The following LRMDA variants were observed in gnomAD, a reference collection of about 807,000 sequenced individuals.
LRMDA encodes the protein leucine rich melanocyte differentiation associated.
LRMDA carries 18 observed loss-of-function variants against 29.8 expected under a neutral mutation model. That is an observed-to-expected ratio of 0.60 (90% CI 0.42 to 0.90). The LOEUF (loss-of-function observed/expected upper bound fraction) is 0.90, where lower values mean the gene tolerates loss of function less well. Ranked by LOEUF, LRMDA falls within the 40% of genes least tolerant of loss-of-function variation. The pLI is 0.00. For missense variants in LRMDA, 273 were observed against 273.9 expected (o/e 1.00, Z 0.02); for synonymous variants, 125 against 109.4 (o/e 1.14, Z -0.89).
rs1374452553 is a variant in LRMDA at position 76,132,970 on chromosome 10, T to C, written c.516+74187T>C. The stretch of plus-strand genomic sequence containing the variant: ...GGCATCCACCACCACGCCCGGCTTT[T>C]TTTTTTTTTTTTTTTTTTTTTTTTG... On this transcript the variant is annotated intron_variant, in intron 5 of 6. Coordinates refer to ENST00000611255, the MANE Select transcript of LRMDA (RefSeq NM_001305581.2). Among the ~76,000 whole-genome samples the C allele has an allele frequency of 6.6e-3, 845 of 127,518 alleles. 28 individuals carry two copies. Among genetic ancestry groups the C allele is most frequent in the African/African-American group, 0.027 (806 of 30,410 alleles). The allele number at this position is 127,518 out of a possible 152,430, so 83.7% of individuals were successfully genotyped here.
chr10:75,904,118 G>A (rs750872247), intron 2 of LRMDA, among the ~76,000 whole-genome samples: 71 of 152,180 alleles, frequency 4.7e-4, no homozygotes, highest in Non-Finnish European at 4.6e-4. Flanking sequence ...TTGGCTGGGA[G>A]AATTTTCTAA....
At chr10:75,954,027 G>A (rs547285783) in intron 2 of LRMDA, among the ~76,000 whole-genome samples, 53 of 152,316 alleles carry the variant, frequency 3.5e-4, no homozygotes, top group African/African-American at 1.1e-3. Context: ...TCTTGCTGGC[G>A]TGACAATGGA....
chr10:76,012,096 A>C (rs2132480986), intron 2 of LRMDA, among the ~76,000 whole-genome samples: 1 of 152,260 alleles, frequency 6.6e-6, no homozygotes, highest in Non-Finnish European at 1.5e-5. Flanking sequence ...AATGGCTTGG[A>C]GAGGAGCAGC....
chr10:76,505,148 C>A (rs554052785), intron 6 of LRMDA, among the ~76,000 whole-genome samples: 2 of 150,948 alleles, frequency 1.3e-5, no homozygotes, highest in East Asian at 2.0e-4. Context: ...TGTCTTCTGC[C>A]TTGTAAGAAT....
At chr10:75,839,944 G>A (rs1016776689) in intron 2 of LRMDA, among the ~76,000 whole-genome samples, 14 of 152,088 alleles carry the variant, frequency 9.2e-5, no homozygotes, top group African/African-American at 1.4e-4. Context: ...TCCTGACCTC[G>A]TGATCCACCT....
intron 2 of LRMDA, among the ~76,000 whole-genome samples, chr10:75,922,156 C>T (rs1451621668): frequency 4.6e-5 from 7 of 152,198 alleles, no homozygotes; most frequent in African/African-American, 1.2e-4. Context: ...CTGTTTCATT[C>T]CTTCCATGCT....
chr10:75,625,981 A>G (rs1345790461), intron 2 of LRMDA, among the ~76,000 whole-genome samples: 5 of 151,748 alleles, frequency 3.3e-5, no homozygotes, highest in Non-Finnish European at 5.9e-5. Context: ...CCCCTTGAGT[A>G]GCTGGAACTA....
chr10:75,762,661 C>T (rs975011902), intron 2 of LRMDA, among the ~76,000 whole-genome samples: 6 of 152,150 alleles, frequency 3.9e-5, no homozygotes, highest in African/African-American at 1.2e-4. Context: ...GTTTCCTTAT[C>T]TGTAAAATGG....
chr10:76,113,714 T>C (rs1589332847), intron 5 of LRMDA, among the ~76,000 whole-genome samples: 1 of 152,150 alleles, frequency 6.6e-6, no homozygotes, highest in Non-Finnish European at 1.5e-5. Flanking sequence ...CCAGCCTCCA[T>C]TTGATGCCGC....
chr10:75,915,455 T>G (rs1378366437), intron 2 of LRMDA, among the ~76,000 whole-genome samples: 1 of 151,846 alleles, frequency 6.6e-6, no homozygotes, highest in Non-Finnish European at 1.5e-5. Flanking sequence ...ATTTATTTAT[T>G]AATTAAATTA....
chr10:75,495,309 T>C (rs772467004), intron 2 of LRMDA, among the ~76,000 whole-genome samples: 7 of 152,090 alleles, frequency 4.6e-5, no homozygotes, highest in Non-Finnish European at 8.8e-5. Flanking sequence ...TAGTTCTATA[T>C]ATTTCTCAGA....
chr10:75,666,525 C>G (rs1043983257), intron 2 of LRMDA, among the ~76,000 whole-genome samples: 2 of 151,922 alleles, frequency 1.3e-5, no homozygotes, highest in Non-Finnish European at 2.9e-5. Flanking sequence ...ATACATTACT[C>G]CTTGTACTAT....
At chr10:76,543,725 G>A (rs1843386012) in intron 6 of LRMDA, among the ~76,000 whole-genome samples, 1 of 152,094 alleles carries the variant, frequency 6.6e-6, no homozygotes, top group Non-Finnish European at 1.5e-5. Flanking sequence ...TAGGGAGAAC[G>A]GATTGCTACT....
chr10:76,055,312 T>G (rs1564640630), intron 4 of LRMDA, among the ~76,000 whole-genome samples: 1 of 151,978 alleles, frequency 6.6e-6, no homozygotes, highest in African/African-American at 2.4e-5. Context: ...AGAAAAGAAT[T>G]TCATAATATT....
chr10:75,755,429 A>G (rs1301439825), intron 2 of LRMDA, among the ~76,000 whole-genome samples: 2 of 152,232 alleles, frequency 1.3e-5, no homozygotes, highest in African/African-American at 4.8e-5. Context: ...GTTGGGGGCA[A>G]GTTTTTGAAC....
intron 2 of LRMDA, among the ~76,000 whole-genome samples, chr10:75,901,131 G>A (rs1845664194): frequency 6.6e-6 from 1 of 152,162 alleles, no homozygotes; most frequent in Non-Finnish European, 1.5e-5. Context: ...AGGAAGAAGA[G>A]GAAGAGAGAT....
At chr10:76,502,736 CCTTTTTTTTCTTT>C (rs1202971250) in intron 6 of LRMDA, among the ~76,000 whole-genome samples, 14 of 150,804 alleles carry the variant, frequency 9.3e-5, no homozygotes, top group African/African-American at 3.4e-4. Flanking sequence ...TACAATTTTT[CCTTTTTTTTCTTT>C]CTTTTTTTTT....
intron 2 of LRMDA, among the ~76,000 whole-genome samples, chr10:75,564,023 C>T (rs1462782264): frequency 6.6e-6 from 1 of 152,218 alleles, no homozygotes; most frequent in Non-Finnish European, 1.5e-5. Context: ...GTTCTCAGAT[C>T]TCCAGCTGCG....
At chr10:76,498,320 A>G (rs1842890538) in intron 6 of LRMDA, among the ~76,000 whole-genome samples, 1 of 75,418 alleles carries the variant, frequency 1.3e-5, no homozygotes, top group African/African-American at 3.2e-5. Flanking sequence ...GGTTCCTTAG[A>G]TTAATGGCAG....
Sources: allele counts gnomAD v4.1 joint callset (sites outside exome capture counted in the v4.1 genomes callset), GRCh38; gene constraint gnomAD v4.1.1; transcripts MANE v1.5; gene names NCBI Gene and HGNC (gene_info 2026-07-23, HGNC 2026-07-21).